The following ZNF536 variants were observed in gnomAD, a reference collection of about 807,000 sequenced individuals.
ZNF536 encodes the protein zinc finger protein 536.
A neutral mutation model predicts 84.5 loss-of-function variants in ZNF536; 13 were observed. That is an observed-to-expected ratio of 0.15 (90% confidence interval 0.10 to 0.24). The LOEUF (loss-of-function observed/expected upper bound fraction) is 0.24. ZNF536 is among the 10% of genes least tolerant of loss of function. ZNF536 has a pLI of 1.00. For missense variants in ZNF536, 1,536 were observed against 1,747.5 expected (o/e 0.88, Z 2.16); for synonymous variants, 811 against 742.5 (o/e 1.09, Z -1.50).
At chr19:30,411,206 G>A (rs763401559) in intron 1 of ZNF536, among the ~76,000 whole-genome samples, 2 of 152,136 alleles carry the variant, frequency 1.3e-5, no homozygotes, top group Non-Finnish European at 2.9e-5. Flanking sequence ...AAATTTTCGT[G>A]GATATTGAAG....
intron 2 of ZNF536, among the ~76,000 whole-genome samples, chr19:30,288,589 T>A (rs1358015976): frequency 6.6e-6 from 1 of 152,206 alleles, no homozygotes; most frequent in Admixed American, 6.5e-5. Flanking sequence ...GACCTCTCTG[T>A]CTGACAATGC....
intron 1 of ZNF536, among the ~76,000 whole-genome samples, chr19:30,588,348 G>A (rs550036904): frequency 4.7e-4 from 71 of 152,144 alleles, no homozygotes; most frequent in Non-Finnish European, 8.8e-4. Context: ...AGGAATTGAG[G>A]GTCCTGATCA....
In ZNF536 at chr19:30,444,609, G is replaced by A. The variant is rs1436064187; in HGVS notation, c.1047G>A (p.Val349=). 4 of 1,613,902 alleles carry A rather than the reference G, an allele frequency of 2.5e-6. No homozygotes were observed. Among genetic ancestry groups the A allele is most frequent in the South Asian group, 1.1e-5 (1 of 91,082 alleles). ...EQSANEFRCE[V]CGQVFSQAWF... ...CGGCCAACGAGTTCCGCTGCGAGGTGTGCGGTCAGGTGTTCAGCCAGGCGT... is the reference window on the plus strand; with the variant it reads ...CGGCCAACGAGTTCCGCTGCGAGGTATGCGGTCAGGTGTTCAGCCAGGCGT... The change falls in exon 2 of 5, where the codon GTG becomes GTA. Residue 349 remains valine (V), a synonymous_variant. Coordinates refer to ENST00000355537, the MANE Select transcript of ZNF536 (RefSeq NM_014717.3).
chr19:30,650,438 A>G (rs575859655), intron 1 of ZNF536, among the ~76,000 whole-genome samples: 1 of 152,336 alleles, frequency 6.6e-6, no homozygotes, highest in African/African-American at 2.4e-5. Flanking sequence ...GTTACTCTTT[A>G]AGTCCTGAAA....
intron 2 of ZNF536, among the ~76,000 whole-genome samples, chr19:30,480,478 C>G (rs1208571154): frequency 6.6e-6 from 1 of 152,030 alleles, no homozygotes; most frequent in Non-Finnish European, 1.5e-5. Flanking sequence ...TGTTCTCACT[C>G]ATAAGTGGGA....
chr19:30,494,538 G>T (rs1285983138), intron 2 of ZNF536, among the ~76,000 whole-genome samples: 1 of 152,188 alleles, frequency 6.6e-6, no homozygotes, highest in Non-Finnish European at 1.5e-5. Context: ...TTTGGGCTCA[G>T]TTTCTAGTAC....
At chr19:30,359,334 G>A (rs980774792) in intron 3 of ZNF536, among the ~76,000 whole-genome samples, 13 of 152,142 alleles carry the variant, frequency 8.5e-5, no homozygotes, top group African/African-American at 1.9e-4. Context: ...AGCTGCCCCC[G>A]GGACAGCCTG....
chr19:30,345,716 C>T (rs575812707), intron 2 of ZNF536, among the ~76,000 whole-genome samples: 8 of 152,270 alleles, frequency 5.3e-5, no homozygotes, highest in African/African-American at 7.2e-5. Flanking sequence ...GCTTAGTTTT[C>T]CTACATGCAT....
chr19:30,346,792 G>T (rs949444557), intron 2 of ZNF536, among the ~76,000 whole-genome samples: 2 of 152,168 alleles, frequency 1.3e-5, no homozygotes, highest in African/African-American at 4.8e-5. Flanking sequence ...TGTAAATAAT[G>T]CTGCAATGAA....
chr19:30,548,084 A>G lies in ZNF536; in HGVS notation c.2465A>G (p.Lys822Arg), dbSNP rs375500428. ...GGGCAACCCCCAAATCAAGACCACA[A>G]GGATGAGATGTCAAGCAAAGCTTCT... ...LSGQPPNQDH[K>R]DEMSSKASLF... Residue 822 changes from lysine (K) to arginine (R), a missense_variant, in exon 4 of 5, where the codon AAG becomes AGG. Lys to Arg is a conservative substitution (Grantham distance 26). This residue lies in a region of ZNF536 where 624 missense variants were observed against 603.1 expected (regional missense o/e 1.03). Coordinates refer to ENST00000355537, the MANE Select transcript of ZNF536 (RefSeq NM_014717.3). 3.3e-5 allele frequency: 54 copies of G among 1,614,034 alleles called. No homozygotes were observed. Among genetic ancestry groups the G allele is most frequent in the Non-Finnish European group, 4.4e-5 (52 of 1,180,034 alleles).
At chr19:30,483,679 G>A (rs1568475067) in intron 2 of ZNF536, among the ~76,000 whole-genome samples, 2 of 152,122 alleles carry the variant, frequency 1.3e-5, no homozygotes, top group East Asian at 1.9e-4. Flanking sequence ...CGTCTAGTTC[G>A]TTCCCGGTAG....
At chr19:30,286,540 GAGAGAGAA>G (rs746400501) in intron 2 of ZNF536, among the ~76,000 whole-genome samples, 2,964 of 138,996 alleles carry the variant, frequency 0.021, 205 homozygotes, top group Admixed American at 0.15. Context: ...CAGAGAGAGA[GAGAGAGAA>G]AGAGAGAGAC....
intron 1 of ZNF536, among the ~76,000 whole-genome samples, chr19:30,382,332 G>A (rs566924664): frequency 1.1e-4 from 16 of 152,234 alleles, no homozygotes; most frequent in African/African-American, 3.6e-4. Context: ...ATGAAGTTTC[G>A]GCAACTGCAT....
chr19:30,618,973 A>G (rs539374065), intron 1 of ZNF536, among the ~76,000 whole-genome samples: 3 of 152,270 alleles, frequency 2.0e-5, no homozygotes, highest in African/African-American at 4.8e-5. Flanking sequence ...TTGTATTTGT[A>G]TAAGTTTAAG....
intron 1 of ZNF536, among the ~76,000 whole-genome samples, chr19:30,629,044 T>C (rs900549210): frequency 7.9e-5 from 12 of 151,906 alleles, no homozygotes; most frequent in Non-Finnish European, 1.6e-4. Flanking sequence ...CCCACACCTG[T>C]GGGAGGGAGA....
chr19:30,349,479 G>T (rs901521435), intron 2 of ZNF536, among the ~76,000 whole-genome samples: 1 of 152,156 alleles, frequency 6.6e-6, no homozygotes, highest in Non-Finnish European at 1.5e-5. Context: ...ACTCCAAGAA[G>T]CCAAGCTCAG....
At chr19:30,461,338 T>C in intron 2 of ZNF536, among the ~76,000 whole-genome samples, 1 of 152,198 alleles carries the variant, frequency 6.6e-6, no homozygotes, top group Non-Finnish European at 1.5e-5. Flanking sequence ...GAAGGCAGAA[T>C]GCAGCTCACC....
intron 1 of ZNF536, among the ~76,000 whole-genome samples, chr19:30,622,522 G>A (rs1248372084): frequency 1.3e-5 from 2 of 152,238 alleles, no homozygotes; most frequent in East Asian, 3.8e-4. Context: ...TGCCTTGCTG[G>A]AGTCGCATAA....
chr19:30,394,020 C>T (rs2049708757), intron 1 of ZNF536, among the ~76,000 whole-genome samples: 1 of 152,026 alleles, frequency 6.6e-6, no homozygotes, highest in South Asian at 2.1e-4. Context: ...GAGTCAGAGT[C>T]TGCAGGGCTA....
Sources: gnomAD v4.1 joint callset for allele counts (sites outside exome capture counted in the v4.1 genomes callset) on GRCh38, gnomAD v4.1.1 for gene constraint, gnomAD v4.1.1 regional missense constraint, MANE v1.5 for transcripts, NCBI Gene and HGNC (gene_info 2026-07-23, HGNC 2026-07-21) for gene names.